FDFT1: variants seen among roughly 807,000 people sequenced by gnomAD.
FDFT1 encodes the protein farnesyl-diphosphate farnesyltransferase 1.
A neutral mutation model predicts 46.8 loss-of-function variants in FDFT1; 68 were observed. The observed-to-expected ratio is 1.45, with a 90% CI of 1.19 to 1.78. The LOEUF is 1.78. FDFT1 is among the 40% of genes most tolerant of loss of function. FDFT1 has a pLI of 0.00. For synonymous variants in FDFT1, 351 were observed against 185.1 expected (o/e 1.90, Z -7.28); for missense variants, 928 against 524.4 (o/e 1.77, Z -7.52).
chr8:11,803,163 T>G, intron 1 of FDFT1: 1 of 1,417,842 alleles, frequency 7.1e-7, no homozygotes, highest in Non-Finnish European at 9.2e-7. Context: ...TGAGCGACTT[T>G]TGCGTGGTTC....
intron 3 of FDFT1, among the ~76,000 whole-genome samples, chr8:11,811,931 G>C (rs1736115): frequency 0.19 from 28,808 of 152,196 alleles, 3,112 homozygotes; most frequent in East Asian, 0.44. Context: ...TCTTCTTAAG[G>C]AGTGATTTGT....
In FDFT1 at chr8:11,826,902, T is replaced by A. The variant is rs1042799949; in HGVS notation, c.702+687T>A. On this transcript the variant is annotated intron_variant, in intron 5 of 7. Coordinates refer to ENST00000220584, the MANE Select transcript of FDFT1 (RefSeq NM_004462.5). The stretch of plus-strand genomic sequence containing the variant: ...CTGAGTTCTCTGGCCTCGCCTGGAT[T>A]ACGTCTACACAGTACACACAGAATG... Among the ~76,000 whole-genome samples, 10 of 152,276 alleles carry A rather than the reference T, an allele frequency of 6.6e-5. No individual in the cohort carries two copies. In the East Asian group the frequency reaches 1.9e-3, roughly 29 times the overall value.
At chr8:11,811,467 C>G (rs931172410) in intron 3 of FDFT1, among the ~76,000 whole-genome samples, 1 of 152,196 alleles carries the variant, frequency 6.6e-6, no homozygotes, top group East Asian at 1.9e-4. Flanking sequence ...GCAGCCCTAT[C>G]CCCTCAGCAG....
intron 7 of FDFT1, among the ~76,000 whole-genome samples, chr8:11,832,947 G>A (rs549012416): frequency 1.3e-5 from 2 of 152,254 alleles, no homozygotes; most frequent in African/African-American, 4.8e-5. Flanking sequence ...TTGCAACAGT[G>A]TTTTCATCTA....
At chr8:11,796,422 C>T (rs1166257335) in intron 1 of FDFT1, among the ~76,000 whole-genome samples, 1 of 152,200 alleles carries the variant, frequency 6.6e-6, no homozygotes, top group Non-Finnish European at 1.5e-5. Context: ...TGGGAGGAAC[C>T]ACTGAACATG....
At chr8:11,819,430 T>A (rs562086235) in intron 3 of FDFT1, among the ~76,000 whole-genome samples, 66 of 152,282 alleles carry the variant, frequency 4.3e-4, no homozygotes, top group Non-Finnish European at 7.2e-4. Flanking sequence ...CTGGATAATA[T>A]ACTGAAGAGT....
chr8:11,803,154 G>A (rs1320418010), intron 1 of FDFT1: 9 of 1,426,416 alleles, frequency 6.3e-6, no homozygotes, highest in African/African-American at 1.4e-5. Flanking sequence ...CCCTGGGCAT[G>A]AGCGACTTTT....
At chr8:11,800,260 CAAAAAAAAAAAAAAAAAAA>C (rs57381182), upstream of FDFT1, among the ~76,000 whole-genome samples, 1 of 57,892 alleles carries the variant, frequency 1.7e-5, no homozygotes, top group African/African-American at 8.0e-5. Context: ...AATTCTGTCT[CAAAAAAAAAAAAAAAAAAA>C]AAAAAAAAAA....
chr8:11,806,732 G>GT (rs1806891772), intron 1 of FDFT1, among the ~76,000 whole-genome samples: 2 of 152,158 alleles, frequency 1.3e-5, no homozygotes, highest in South Asian at 4.1e-4. Flanking sequence ...CTGGAGCTCA[G>GT]TCCAGAGCGG....
intron 1 of FDFT1, among the ~76,000 whole-genome samples, chr8:11,805,638 A>AG (rs1806738765): frequency 6.6e-6 from 1 of 152,208 alleles, no homozygotes; most frequent in South Asian, 2.1e-4. Flanking sequence ...CCCAACTCTA[A>AG]GATGGTCTGA....
intron 1 of FDFT1, 62 bp downstream of exon 1, chr8:11,802,993 C>A: frequency 5.2e-6 from 8 of 1,542,912 alleles, no homozygotes; most frequent in Non-Finnish European, 5.3e-6. Flanking sequence ...GGCCTCAGGG[C>A]CTGAGCGGCC....
chr8:11,820,701 T>C (rs1046785737), intron 3 of FDFT1, among the ~76,000 whole-genome samples: 1 of 152,152 alleles, frequency 6.6e-6, no homozygotes, highest in African/African-American at 2.4e-5. Flanking sequence ...AATCACCTGC[T>C]CTGCCAGTTG....
At chr8:11,809,108 G>C (rs538737248) in intron 2 of FDFT1, 92 of 1,277,538 alleles carry the variant, frequency 7.2e-5, no homozygotes, top group African/African-American at 6.7e-4. Context: ...TCAGAGAAGA[G>C]GGGGGAGGGG....
intron 7 of FDFT1, among the ~76,000 whole-genome samples, chr8:11,833,432 C>G (rs552203803): frequency 7.9e-4 from 121 of 152,310 alleles, no homozygotes; most frequent in Middle Eastern, 3.4e-3. Context: ...TTTATATAAA[C>G]TAGAAACATT....
At chr8:11,819,247 G>A (rs1027454993) in intron 3 of FDFT1, among the ~76,000 whole-genome samples, 1 of 152,202 alleles carries the variant, frequency 6.6e-6, no homozygotes, top group Non-Finnish European at 1.5e-5. Context: ...CCCTTTGTGG[G>A]TAACCCGACC....
upstream of FDFT1, among the ~76,000 whole-genome samples, chr8:11,801,099 C>T (rs1427904642): frequency 3.9e-5 from 6 of 152,036 alleles, no homozygotes; most frequent in Non-Finnish European, 7.4e-5. Flanking sequence ...TGAGCAGACT[C>T]GAGGGGCACA....
chr8:11,821,981 C>T, intron 4 of FDFT1, 103 bp downstream of exon 4: 2 of 1,387,146 alleles, frequency 1.4e-6, no homozygotes, highest in South Asian at 2.5e-5. Flanking sequence ...TTTTCAGCCC[C>T]TCTGGTTTTA....
chr8:11,808,937 G>A (rs1395499370), intron 2 of FDFT1, 46 bp downstream of exon 2: 5 of 1,594,206 alleles, frequency 3.1e-6, no homozygotes, highest in African/African-American at 2.7e-5. Context: ...AAGCTTGTCC[G>A]GGACCTTTGA....
At chr8:11,796,837 G>C (rs764224154) in intron 1 of FDFT1, among the ~76,000 whole-genome samples, 3 of 152,238 alleles carry the variant, frequency 2.0e-5, no homozygotes, top group Non-Finnish European at 4.4e-5. Flanking sequence ...AAGAATTCAA[G>C]GGTGAGCCAG....
Sources: allele counts gnomAD v4.1 joint callset (sites outside exome capture counted in the v4.1 genomes callset), GRCh38; gene constraint gnomAD v4.1.1; transcripts MANE v1.5; gene names NCBI Gene and HGNC (gene_info 2026-07-23, HGNC 2026-07-21).